The following GLRA3 variants were observed in gnomAD, a reference collection of about 807,000 sequenced individuals.
GLRA3 encodes glycine receptor alpha 3, also known as glycine receptor subunit alpha-3.
In GLRA3, 44 loss-of-function variants were observed where a neutral mutation model predicts 60.4. That is an observed-to-expected ratio of 0.73 (90% CI 0.57 to 0.94). GLRA3 has a LOEUF of 0.94. Among genes scored for constraint, GLRA3 ranks in the 40% least tolerant of loss-of-function variants. The pLI, the probability that GLRA3 is intolerant of heterozygous loss-of-function variation, is 0.00. For missense variants in GLRA3, 508 were observed against 564.6 expected (o/e 0.90, Z 1.02); for synonymous variants, 223 against 192.9 (o/e 1.16, Z -1.29).
At chr4:174,784,266 A>G (rs373272038) in intron 2 of GLRA3, among the ~76,000 whole-genome samples, 3 of 120,428 alleles carry the variant, frequency 2.5e-5, no homozygotes, top group Admixed American at 8.7e-5. Context: ...GAATTGAACA[A>G]TGAGATCACA....
At chr4:174,752,835 A>C (rs1474830165) in intron 3 of GLRA3, among the ~76,000 whole-genome samples, 2 of 152,072 alleles carry the variant, frequency 1.3e-5, no homozygotes, top group African/African-American at 4.8e-5. Context: ...ATCTTGTGAC[A>C]AGATTATTTG....
intron 7 of GLRA3, 149 bp from the exon 8 acceptor site, chr4:174,659,346 CT>C: frequency 1.5e-6 from 1 of 647,820 alleles, no homozygotes; most frequent in Non-Finnish European, 2.5e-6. Context: ...TTGAAGTTTC[CT>C]TAGTTATTTT....
In GLRA3 at chr4:174,799,573, A is replaced by G. The variant is rs1026055323; in HGVS notation, c.72-10630T>C. Among the ~76,000 whole-genome samples the G allele has an allele frequency of 2.0e-5, 3 of 152,346 alleles. No individual in the cohort carries two copies. In the East Asian group the frequency reaches 5.8e-4, roughly 29 times the overall value. On this transcript the variant is annotated intron_variant, in intron 1 of 9. Coordinates refer to ENST00000274093, the MANE Select transcript of GLRA3 (RefSeq NM_006529.4). ...GGATTCACCAAAATGGCGAACTCAC[A>G]TGAGTTAGAGATCTCAAAGAATTAC...
intron 8 of GLRA3, 46 bp downstream of exon 8, chr4:174,659,008 G>T (rs371578056): frequency 1.3e-6 from 2 of 1,519,540 alleles, no homozygotes; most frequent in South Asian, 1.2e-5. Context: ...ATTCACTTTC[G>T]AGTGAAAACT....
At chr4:174,781,442 G>T (rs367803713) in intron 2 of GLRA3, among the ~76,000 whole-genome samples, 1 of 143,022 alleles carries the variant, frequency 7.0e-6, no homozygotes, top group Non-Finnish European at 1.5e-5. Context: ...AAAGCTAGCA[G>T]AAGGCAAGAA....
chr4:174,648,548 G>T lies in GLRA3; in HGVS notation c.1117-4484C>A, dbSNP rs10017319. ...TGCTGTGAAATGTAACACCTCTACA[G>T]AAGAGTAGATATGTTAAGTATAGCA... On this transcript the variant is annotated intron_variant, in intron 9 of 9. Coordinates refer to ENST00000274093, the MANE Select transcript of GLRA3 (RefSeq NM_006529.4). Among the ~76,000 whole-genome samples, 586 of 152,258 alleles carry T rather than the reference G, an allele frequency of 3.8e-3. 3 individuals carry two copies. The highest frequency in any genetic ancestry group is 0.013 in the African/African-American group (556 of 41,550).
intron 9 of GLRA3, among the ~76,000 whole-genome samples, chr4:174,655,264 T>A (rs946496317): frequency 1.3e-5 from 2 of 152,138 alleles, no homozygotes; most frequent in African/African-American, 4.8e-5. Flanking sequence ...AAATGACAAA[T>A]TTGATCAGCC....
intron 3 of GLRA3, among the ~76,000 whole-genome samples, chr4:174,765,241 A>G (rs1219647262): frequency 6.6e-6 from 1 of 152,070 alleles, no homozygotes; most frequent in African/African-American, 2.4e-5. Flanking sequence ...AGATTGTGTT[A>G]TAACAGTTTT....
At chr4:174,675,001 G>T (rs1057436099) in intron 7 of GLRA3, among the ~76,000 whole-genome samples, 1 of 152,082 alleles carries the variant, frequency 6.6e-6, no homozygotes, top group African/African-American at 2.4e-5. Context: ...GGTCCTTGGG[G>T]TCTGCCCTAC....
chr4:174,732,225 T>G (rs144897552), intron 3 of GLRA3, among the ~76,000 whole-genome samples: 3,312 of 147,412 alleles, frequency 0.022, 60 homozygotes, highest in Non-Finnish European at 0.032. Flanking sequence ...TGTGGTGGCG[T>G]GCGCCTGTAG....
At chr4:174,689,756 T>TAAAAAAAAAAAAAAAAAA (rs553306775) in intron 5 of GLRA3, among the ~76,000 whole-genome samples, 2 of 39,538 alleles carry the variant, frequency 5.1e-5, no homozygotes, top group African/African-American at 2.1e-4. Context: ...TAAGTCGCAT[T>TAAAAAAAAAAAAAAAAAA]AAAAAAAAAA....
At chr4:174,744,080 T>G (rs1187176431) in intron 3 of GLRA3, among the ~76,000 whole-genome samples, 2 of 152,178 alleles carry the variant, frequency 1.3e-5, no homozygotes. Context: ...CTTCCCCTAC[T>G]CTGTATGGTG....
At chr4:174,809,716 G>A (rs1740188139) in intron 1 of GLRA3, among the ~76,000 whole-genome samples, 1 of 152,130 alleles carries the variant, frequency 6.6e-6, no homozygotes, top group African/African-American at 2.4e-5. Context: ...CTGGGTGACA[G>A]AGTGACACTG....
chr4:174,771,433 A>C (rs1331054245), intron 2 of GLRA3, among the ~76,000 whole-genome samples: 1 of 151,834 alleles, frequency 6.6e-6, no homozygotes. Context: ...AGATAATACT[A>C]GACTCCTACT....
At chr4:174,809,396 A>G (rs970163307) in intron 1 of GLRA3, among the ~76,000 whole-genome samples, 20 of 152,164 alleles carry the variant, frequency 1.3e-4, no homozygotes, top group Admixed American at 1.3e-3. Flanking sequence ...GTTAAGCAAC[A>G]AACGGCTGTA....
chr4:174,757,046 A>C (rs1737745148), intron 3 of GLRA3, among the ~76,000 whole-genome samples: 1 of 152,242 alleles, frequency 6.6e-6, no homozygotes, highest in South Asian at 2.1e-4. Context: ...AGCATTGTAC[A>C]GGAGTTCTGA....
Position 174,828,175 on chromosome 4 carries a change from G to T in GLRA3, c.71+566C>A, listed in dbSNP as rs553449802. Among the ~76,000 whole-genome samples the T allele has an allele frequency of 3.9e-5, 6 of 152,056 alleles. No homozygotes were observed. The South Asian group carries it at 1.2e-3, about 32-fold the overall frequency. On this transcript the variant is annotated intron_variant, in intron 1 of 9. Transcript: ENST00000274093. The stretch of plus-strand genomic sequence containing the variant: ...ACTCAAGAAGATTATTCCTGACATA[G>T]AACATATCTAATAATCTATTTATGA...
intron 5 of GLRA3, among the ~76,000 whole-genome samples, chr4:174,711,387 T>C (rs1472007419): frequency 6.6e-6 from 1 of 150,544 alleles, no homozygotes; most frequent in Non-Finnish European, 1.5e-5. Context: ...TTTTGCTTAT[T>C]ATATTTAGAA....
intron 2 of GLRA3, among the ~76,000 whole-genome samples, chr4:174,787,284 G>A (rs929167957): frequency 1.3e-5 from 2 of 151,976 alleles, no homozygotes; most frequent in South Asian, 4.1e-4. Context: ...TCAGTTAAAA[G>A]AAAGAAATAC....
Sources: allele counts gnomAD v4.1 joint callset (sites outside exome capture counted in the v4.1 genomes callset), GRCh38; gene constraint gnomAD v4.1.1; transcripts MANE v1.5; gene names NCBI Gene and HGNC (gene_info 2026-07-23, HGNC 2026-07-21).